NXPE3: variants seen among roughly 807,000 people sequenced by gnomAD.
NXPE3 encodes the protein NXPE family member 3.
A neutral mutation model predicts 46.1 loss-of-function variants in NXPE3; 26 were observed. That is an observed-to-expected ratio of 0.56 (90% CI 0.41 to 0.78). The LOEUF (loss-of-function observed/expected upper bound fraction) is 0.78. Among genes scored for constraint, NXPE3 ranks in the 30% least tolerant of loss-of-function variants. The pLI is 0.00. For missense variants in NXPE3, 620 were observed against 686.0 expected, an observed-to-expected ratio of 0.90 and a Z score of 1.07; for synonymous variants, 272 against 257.9, an observed-to-expected ratio of 1.05 and a Z score of -0.52.
chr3:101,784,230 TAC>T (rs1343497369), intron 3 of NXPE3, among the ~76,000 whole-genome samples: 4 of 152,150 alleles, frequency 2.6e-5, no homozygotes, highest in Admixed American at 6.5e-5. Context: ...TTTAAAAAAA[TAC>T]AGTCATAATT....
At chr3:101,783,480 C>T (rs1939954461) in intron 3 of NXPE3, among the ~76,000 whole-genome samples, 1 of 152,206 alleles carries the variant, frequency 6.6e-6, no homozygotes, top group Non-Finnish European at 1.5e-5. Context: ...CAGGTCTTTT[C>T]CTGGCACAAT....
chr3:101,804,696 A>G (rs1347850653), intron 5 of NXPE3, among the ~76,000 whole-genome samples: 2 of 152,168 alleles, frequency 1.3e-5, no homozygotes, highest in Non-Finnish European at 2.9e-5. Context: ...TCATAACCTT[A>G]CTTAAACCAG....
chr3:101,810,310 C>A (rs958895086), intron 6 of NXPE3, among the ~76,000 whole-genome samples: 7 of 152,116 alleles, frequency 4.6e-5, no homozygotes, highest in Non-Finnish European at 1.0e-4. Context: ...GGGGAACTTA[C>A]TGAGAGTTTA....
In NXPE3 at chr3:101,821,504, A is replaced by T. The variant is rs1204703962; in HGVS notation, c.1230A>T (p.Pro410=). 6.2e-7 allele frequency: 1 copy of T among 1,614,036 alleles called. No individual in the cohort carries two copies. The highest frequency in any genetic ancestry group is 2.2e-5 in the East Asian group (1 of 44,862). The change falls in exon 8 of 8, where the codon CCA becomes CCT. Residue 410 remains proline (P), a synonymous_variant. Coordinates refer to ENST00000273347, the MANE Select transcript of NXPE3 (RefSeq NM_145037.4). ...NILLKYRCHG[P]PIRFTTVFSN... ...TGCTCAAATACCGCTGCCATGGTCC[A>T]CCCATCCGCTTCACGACTGTCTTTA...
In NXPE3 at chr3:101,821,403, G is replaced by C; in HGVS notation, c.1130-1G>C. 6.2e-7 allele frequency: 1 copy of C among 1,610,228 alleles called. No homozygotes were observed. Among genetic ancestry groups the C allele is most frequent in the East Asian group, 2.2e-5 (1 of 44,770 alleles). On this transcript the variant is annotated splice_acceptor_variant, in intron 7 of 7. Coordinates refer to ENST00000273347, the MANE Select transcript of NXPE3 (RefSeq NM_145037.4). LOFTEE classifies it high-confidence loss of function. Reference sequence around the variant, plus strand: ...ATGAACTTGAGTTTTCCTTGTTTCAGATTTAGTGGAGTTTAACTTGGGTAG... The same window carrying C: ...ATGAACTTGAGTTTTCCTTGTTTCACATTTAGTGGAGTTTAACTTGGGTAG...
At chr3:101,807,352 C>T (rs1941464982) in intron 6 of NXPE3, among the ~76,000 whole-genome samples, 1 of 152,030 alleles carries the variant, frequency 6.6e-6, no homozygotes, top group South Asian at 2.1e-4. Context: ...CAGGGTCTTG[C>T]TCTGTTACCT....
rs1328888583 is a variant in NXPE3 at position 101,816,931 on chromosome 3, A to G, written c.1059A>G (p.Arg353=). 1.2e-6 allele frequency: 2 copies of G among 1,614,164 alleles called. No individual in the cohort carries two copies. The highest frequency in any genetic ancestry group is 2.2e-5 in the South Asian group (2 of 91,082). The change falls in exon 7 of 8, where the codon AGA becomes AGG. Residue 353 remains arginine, a synonymous_variant. Coordinates refer to ENST00000273347, the MANE Select transcript of NXPE3 (RefSeq NM_145037.4). ...ACAACATTACAGAGTGCTTACAAAG[A>G]AAAGTGGTGCATTTATTTGGTGACT... ...DPDNITECLQ[R]KVVHLFGDST...
chr3:101,793,547 G>C (rs1016960494), intron 4 of NXPE3, among the ~76,000 whole-genome samples: 1 of 88,952 alleles, frequency 1.1e-5, no homozygotes, highest in African/African-American at 4.2e-5. Flanking sequence ...TTTGCTGTTT[G>C]TTTTTTATTT....
rs1306384519 is a variant in NXPE3 at position 101,782,687 on chromosome 3, T to A, written c.-289T>A. The stretch of plus-strand genomic sequence containing the variant: ...TCCTGCTCTGTTGCCCAGGCTGGAG[T>A]ACATTGGTGTGATGATCATGGTTCA... On this transcript the variant is annotated 5_prime_UTR_variant, in exon 3 of 8. Coordinates refer to ENST00000273347, the MANE Select transcript of NXPE3 (RefSeq NM_145037.4). The A allele has an allele frequency of 6.6e-6, 1 of 152,136 alleles. No individual in the cohort carries two copies. Among genetic ancestry groups the A allele is most frequent in the Non-Finnish European group, 1.5e-5 (1 of 68,036 alleles). The allele number at this position is 152,136 out of a possible 1,614,324, so 9.4% of individuals were successfully genotyped here.
Position 101,807,045 on chromosome 3 carries a change from T to A in NXPE3, c.849-8T>A. 1 of 1,604,582 alleles carries A rather than the reference T, an allele frequency of 6.2e-7. No individual in the cohort carries two copies. The stretch of plus-strand genomic sequence containing the variant: ...ACCTGAGCTTGTGCTTTTTTATTCC[T>A]CTTAAAGTGGTGTCAATATCAAAAT... On this transcript the variant is annotated splice_region_variant and splice_polypyrimidine_tract_variant and intron_variant, in intron 5 of 7. Transcript: ENST00000273347.
rs1378565499 is a variant in NXPE3, at chr3:101,822,128, A to G, written c.*174A>G. The G allele has an allele frequency of 6.6e-6, 4 of 603,458 alleles. No homozygotes were observed. The highest frequency in any genetic ancestry group is 1.2e-5 in the Non-Finnish European group (4 of 345,296). 37.4% of individuals were successfully genotyped at this position (603,458 alleles called of 1,614,324 possible). A position where few individuals can be genotyped will look rare whatever the true frequency, so the allele number is the denominator to read the frequency against. ...CTTAGAAAATGCAGGTTACATTTAT[A>G]TCTACCTATAGGATTTTATCCAATG... is the stretch of plus-strand genomic sequence containing the variant. On this transcript the variant is annotated 3_prime_UTR_variant, in exon 8 of 8. Transcript: ENST00000273347.
chr3:101,803,165 A>G (rs1941246491), intron 5 of NXPE3, among the ~76,000 whole-genome samples: 1 of 152,192 alleles, frequency 6.6e-6, no homozygotes, highest in South Asian at 2.1e-4. Flanking sequence ...TATTTTTGTT[A>G]AGGATATCTG....
At chr3:101,786,061 AG>A (rs1261831299) in intron 4 of NXPE3, among the ~76,000 whole-genome samples, 1 of 152,194 alleles carries the variant, frequency 6.6e-6, no homozygotes, top group Non-Finnish European at 1.5e-5. Flanking sequence ...CTCTTCAAGG[AG>A]GGGACCTTTC....
intron 7 of NXPE3, among the ~76,000 whole-genome samples, chr3:101,820,129 T>TA (rs1170586334): frequency 2.6e-5 from 4 of 152,200 alleles, no homozygotes; most frequent in Non-Finnish European, 5.9e-5. Context: ...AAACAGAAGT[T>TA]AAAGCCCATG....
chr3:101,799,690 C>G (rs1185831709), intron 4 of NXPE3, among the ~76,000 whole-genome samples: 29 of 152,168 alleles, frequency 1.9e-4, no homozygotes, highest in Non-Finnish European at 8.8e-5. Flanking sequence ...TCCCAAAGTG[C>G]TGGGATTACA....
At chr3:101,797,483 T>A (rs1230772047) in intron 4 of NXPE3, among the ~76,000 whole-genome samples, 2 of 145,602 alleles carry the variant, frequency 1.4e-5, no homozygotes, top group Non-Finnish European at 3.0e-5. Context: ...TGCAGGTTAG[T>A]TACATATGTA....
chr3:101,801,838 C>G lies in NXPE3; in HGVS notation c.697C>G (p.Leu233Val), dbSNP rs758815650. ...TECNVCLPGNLPLCNFTDLYT... is the reference protein window; with the variant it reads ...TECNVCLPGNVPLCNFTDLYT... ...GTGCAACGTGTGTCTTCCTGGGAAT[C>G]TGCCCCTGTGTAACTTTACAGACCT... Residue 233 changes from leucine to valine, a missense_variant, in exon 5 of 8, where the codon CTG (leucine) becomes GTG (valine). Transcript: ENST00000273347. The G allele has an allele frequency of 3.1e-6, 5 of 1,614,014 alleles. No homozygotes were observed. The highest frequency in any genetic ancestry group is 1.7e-5 in the Admixed American group (1 of 60,000).
At position 101,801,866 on chromosome 3, in the gene NXPE3, A is replaced by G. The variant is rs1173363325; in HGVS notation, c.725A>G (p.Tyr242Cys). 2 of 1,614,174 alleles carry G rather than the reference A, an allele frequency of 1.2e-6. No individual in the cohort carries two copies. The highest frequency in any genetic ancestry group is 1.6e-4 in the Middle Eastern group (1 of 6,062). Residue 242 changes from tyrosine (Y) to cysteine (C), a missense_variant, in exon 5 of 8, where the codon TAC becomes TGC. Tyr to Cys is a radical substitution (Grantham distance 194). Around this residue, in one of 3 missense-constraint regions of NXPE3, gnomAD observed 511 missense variants for 528.6 expected, o/e 0.97. Coordinates refer to ENST00000273347, the MANE Select transcript of NXPE3 (RefSeq NM_145037.4). ...CCCCTGTGTAACTTTACAGACCTCT[A>G]CACTGGGGAGCCCTGGTTCTGCTTC... ...NLPLCNFTDL[Y>C]TGEPWFCFKP...
intron 4 of NXPE3, among the ~76,000 whole-genome samples, chr3:101,788,500 A>C (rs1560039203): frequency 6.6e-6 from 1 of 152,208 alleles, no homozygotes; most frequent in Non-Finnish European, 1.5e-5. Context: ...TAAGAGTTTT[A>C]TAGTTTTAGC....
Sources: allele counts gnomAD v4.1 joint callset (sites outside exome capture counted in the v4.1 genomes callset), GRCh38; gene constraint gnomAD v4.1.1; regional missense constraint gnomAD v4.1.1; transcripts MANE v1.5; gene names NCBI Gene and HGNC (gene_info 2026-07-23, HGNC 2026-07-21).